The following DYNC1H1 variants were observed in gnomAD, a reference collection of about 807,000 sequenced individuals.
DYNC1H1 encodes dynein cytoplasmic 1 heavy chain 1, also known as cytoplasmic dynein 1 heavy chain 1.
A neutral mutation model predicts 527.1 loss-of-function variants in DYNC1H1; 51 were observed. The ratio of observed to expected loss-of-function variants is 0.10; its 90% CI spans 0.08 to 0.12. The LOEUF is 0.12. Among genes scored for constraint, DYNC1H1 ranks in the 10% least tolerant of loss-of-function variants. DYNC1H1 has a pLI of 1.00. For missense variants in DYNC1H1, 2,771 were observed against 5,971.8 expected, an observed-to-expected ratio of 0.46 and a Z score of 17.66; for synonymous variants, 2,189 against 2,278.8, an observed-to-expected ratio of 0.96 and a Z score of 1.12.
Position 101,989,414 on chromosome 14 carries a change from C to T in DYNC1H1, c.2868+562C>T, listed in dbSNP as rs1001792198. Among the ~76,000 whole-genome samples the T allele has an allele frequency of 5.3e-5, 8 of 152,206 alleles. No homozygotes were observed. The East Asian group carries it at 5.8e-4, about 11-fold the overall frequency. On this transcript the variant is annotated intron_variant, in intron 10 of 77. Coordinates refer to ENST00000360184, the MANE Select transcript of DYNC1H1 (RefSeq NM_001376.5). ...ACACGGAGTAGTAGTCTGTGCCTCC[C>T]GAGCCATCTCTTTCGCATTTGTGTG...
At chr14:101,994,436 C>CA (rs2048034477) in intron 12 of DYNC1H1, 112 bp downstream of exon 12, 11 of 1,495,474 alleles carry the variant, frequency 7.4e-6, no homozygotes, top group Non-Finnish European at 1.0e-5. Context: ...GTATGGTTCA[C>CA]TAGATACTAT....
chr14:102,019,242 G>A (rs146929099), intron 41 of DYNC1H1, among the ~76,000 whole-genome samples: 23 of 152,330 alleles, frequency 1.5e-4, no homozygotes, highest in Admixed American at 1.4e-3. Context: ...CCTGTATTCT[G>A]CAACATTTAA....
Position 102,000,938 on chromosome 14 carries a change from AT to A in DYNC1H1, c.4075-15del. Reference sequence around the variant, plus strand: ...ATGTTGGCAAGCTAAATAGCATCTTATGTTTCTCTCGACAGCTTCGACAAAA... The same window carrying A: ...ATGTTGGCAAGCTAAATAGCATCTTAGTTTCTCTCGACAGCTTCGACAAAA... On this transcript the variant is annotated splice_polypyrimidine_tract_variant and intron_variant, in intron 18 of 77. Coordinates refer to ENST00000360184, the MANE Select transcript of DYNC1H1 (RefSeq NM_001376.5). 1.2e-6 allele frequency: 2 copies of A among 1,604,522 alleles called. No individual in the cohort carries two copies. The highest frequency in any genetic ancestry group is 1.7e-6 in the Non-Finnish European group (2 of 1,171,208).
rs1555412552 is a variant in DYNC1H1, at chr14:102,047,990, A to G, written c.13180A>G (p.Thr4394Ala). ...CAACTGGCTGCACCTCATCCCCCAG[A>G]CGCTGAGCCACCTCAAGCGCACCGT... Reference protein sequence around the residue: ...ASNWLHLIPQTLSHLKRTVEN... With the variant: ...ASNWLHLIPQALSHLKRTVEN... The change falls in exon 73 of 78, where the codon ACG becomes GCG. Residue 4394 changes from threonine (T) to alanine (A), a missense_variant. Thr to Ala is a moderately conservative substitution (Grantham distance 58). Around this residue, in one of 32 missense-constraint regions of DYNC1H1, gnomAD observed 170 missense variants for 249.8 expected, o/e 0.68. Coordinates refer to ENST00000360184, the MANE Select transcript of DYNC1H1 (RefSeq NM_001376.5). 6.2e-7 allele frequency: 1 copy of G among 1,612,234 alleles called. No homozygotes were observed. Among genetic ancestry groups the G allele is most frequent in the Non-Finnish European group, 8.5e-7 (1 of 1,179,952 alleles).
In DYNC1H1 at chr14:102,016,034, C is replaced by T. The variant is rs776990880; in HGVS notation, c.7421C>T (p.Ala2474Val). The stretch of plus-strand genomic sequence containing the variant: ...TGCCGCAACGTGGCGCAGTATAACG[C>T]CAACCATCCCGACTTCCCCATGCAG... ...QACRNVAQYN[A>V]NHPDFPMQIE... Residue 2474 changes from alanine (A) to valine (V), a missense_variant, in exon 36 of 78, where the codon GCC becomes GTC. Ala to Val is a moderately conservative substitution (Grantham distance 64). Transcript: ENST00000360184. This position sits in a 1 kb window ranked among gnomAD's most constrained non-coding sequence, Gnocchi z 7.3. The T allele has an allele frequency of 1.9e-6, 3 of 1,613,572 alleles. No homozygotes were observed. The highest frequency in any genetic ancestry group is 2.5e-6 in the Non-Finnish European group (3 of 1,179,944).
In DYNC1H1 at chr14:101,979,725, T is replaced by G; in HGVS notation, c.525T>G (p.Gly175=). 1 of 1,614,068 alleles carries G rather than the reference T, an allele frequency of 6.2e-7. No homozygotes were observed. Among genetic ancestry groups the G allele is most frequent in the Non-Finnish European group, 8.5e-7 (1 of 1,180,040 alleles). The change falls in exon 4 of 78, where the codon GGT becomes GGG. Residue 175 remains glycine (G), a synonymous_variant. Transcript: ENST00000360184. The surrounding 1 kb of genome is among the most constrained non-coding windows in gnomAD (Gnocchi z 4.6). ...IRESGKADRD[G]DKMAPSVEKK... ...GTATGAAATCTGTTTTTAGGGATGGTGATAAAATGGCTCCTTCAGTTGAAA... is the reference window on the plus strand; with the variant it reads ...GTATGAAATCTGTTTTTAGGGATGGGGATAAAATGGCTCCTTCAGTTGAAA...
chr14:102,030,136 A>T, intron 50 of DYNC1H1, 26 bp from the exon 51 acceptor site: 1 of 1,614,128 alleles, frequency 6.2e-7, no homozygotes. Context: ...TGCTTAACCC[A>T]TACCTAAGCC....
At chr14:101,971,732 A>C (rs930641123) in intron 1 of DYNC1H1, among the ~76,000 whole-genome samples, 1 of 152,222 alleles carries the variant, frequency 6.6e-6, no homozygotes, top group Admixed American at 6.5e-5. Context: ...TCTCAAAAAA[A>C]ATAAAACAGA....
At chr14:102,043,119 T>TA in intron 69 of DYNC1H1, 1 of 340,060 alleles carries the variant, frequency 2.9e-6, no homozygotes, top group Non-Finnish European at 5.8e-6. Flanking sequence ...CCGTCTCTAC[T>TA]AAAAATATAA....
At position 102,054,702 on chromosome 14, in the gene DYNC1H1, G is replaced by A. The variant is rs2048858134; in HGVS notation, c.*4139G>A. ...TCCTACCTCAGCCTCCCAAGCAGCT[G>A]GGACTACAGGCACCCACCACCATGC... On this transcript the variant is annotated 3_prime_UTR_variant, in exon 78 of 78. Coordinates refer to ENST00000360184, the MANE Select transcript of DYNC1H1 (RefSeq NM_001376.5). The A allele has an allele frequency of 6.6e-6, 1 of 151,802 alleles. No homozygotes were observed. Among genetic ancestry groups the A allele is most frequent in the African/African-American group, 2.4e-5 (1 of 41,228 alleles). The allele number at this position is 151,802 out of a possible 1,614,324, so 9.4% of individuals were successfully genotyped here.
At chr14:102,030,397 C>T in intron 51 of DYNC1H1, 115 bp downstream of exon 51, 1 of 1,508,166 alleles carries the variant, frequency 6.6e-7, no homozygotes, top group African/African-American at 1.4e-5. Flanking sequence ...GTTCTGGTTT[C>T]CAAAAATATC....
At chr14:101,988,578 A>G (rs112598484) in intron 9 of DYNC1H1, 125 bp from the exon 10 acceptor site, 5 of 1,216,810 alleles carry the variant, frequency 4.1e-6, no homozygotes, top group Non-Finnish European at 5.9e-6. Context: ...GAGAAGAGAG[A>G]TATGAAGGCT....
At position 102,010,233 on chromosome 14, in the gene DYNC1H1, AGT is replaced by A; in HGVS notation, c.6222-42_6222-41del. 1 of 1,613,510 alleles carries A rather than the reference AGT, an allele frequency of 6.2e-7. No individual in the cohort carries two copies. The highest frequency in any genetic ancestry group is 1.1e-5 in the South Asian group (1 of 90,974). Reference sequence around the variant, plus strand: ...GACACTTGACCCTATTATTGCTTAAAGTATACTGTTATTAAAGATAGCCTTTT... The same window carrying A: ...GACACTTGACCCTATTATTGCTTAAAATACTGTTATTAAAGATAGCCTTTT... On this transcript the variant is annotated intron_variant, in intron 30 of 77. Transcript: ENST00000360184. This position sits in a 1 kb window ranked among gnomAD's most constrained non-coding sequence, Gnocchi z 6.0.
intron 1 of DYNC1H1, among the ~76,000 whole-genome samples, chr14:101,974,203 G>A (rs1427700925): frequency 1.3e-5 from 2 of 152,154 alleles, no homozygotes; most frequent in African/African-American, 4.8e-5. Flanking sequence ...GGGTTCAAGC[G>A]ATTCGCCTGC....
Position 102,010,675 on chromosome 14 carries a change from T to A in DYNC1H1, c.6406-65T>A. 1 of 1,600,670 alleles carries A rather than the reference T, an allele frequency of 6.2e-7. No individual in the cohort carries two copies. Among genetic ancestry groups the A allele is most frequent in the South Asian group, 1.1e-5 (1 of 90,630 alleles). ...CAACAGTTACTGATCACGCACCTCC[T>A]GGGGATGCAGCGGGCAGTACTTGAG... is the stretch of plus-strand genomic sequence containing the variant. On this transcript the variant is annotated intron_variant, in intron 31 of 77. Transcript: ENST00000360184. This position sits in a 1 kb window ranked among gnomAD's most constrained non-coding sequence, Gnocchi z 6.0.
At chr14:101,968,871 A>C (rs1306282438) in intron 1 of DYNC1H1, among the ~76,000 whole-genome samples, 1 of 151,980 alleles carries the variant, frequency 6.6e-6, no homozygotes, top group East Asian at 1.9e-4. Flanking sequence ...CTGAGGATTT[A>C]ATTCTAAAGG....
In DYNC1H1 at chr14:101,990,737, G is replaced by A. The variant is rs187938190; in HGVS notation, c.2869-790G>A. Among the ~76,000 whole-genome samples the A allele has an allele frequency of 2.8e-3, 429 of 152,060 alleles. 1 individual carries two copies. Among genetic ancestry groups the A allele is most frequent in the African/African-American group, 0.01 (422 of 41,486 alleles). ...AAAAAGTACAAAAATTAGGCCGGGC[G>A]CGGTGGCTCATGCCTGTAATCCCAG... On this transcript the variant is annotated intron_variant, in intron 10 of 77. Transcript: ENST00000360184.
rs1245245623 is a variant in DYNC1H1, at chr14:102,041,908, C to T, written c.12103-105C>T. 2 of 1,501,672 alleles carry T rather than the reference C, an allele frequency of 1.3e-6. No individual in the cohort carries two copies. Among genetic ancestry groups the T allele is most frequent in the Non-Finnish European group, 1.8e-6 (2 of 1,091,944 alleles). 93.0% of individuals were successfully genotyped at this position (1,501,672 alleles called of 1,614,324 possible). A position where few individuals can be genotyped will look rare whatever the true frequency, so the allele number is the denominator to read the frequency against. On this transcript the variant is annotated intron_variant, in intron 65 of 77. Transcript: ENST00000360184. This position sits in a 1 kb window ranked among gnomAD's most constrained non-coding sequence, Gnocchi z 4.5. ...TGCATGGTGCCCACACCTCTGGGCC[C>T]AGAAAGAACATCTTCTCAGGCCCCT...
rs957105344 is a variant in DYNC1H1, at chr14:101,986,559, C to A, written c.2334C>A (p.Ala778=). Residue 778 remains alanine (A), a synonymous_variant, in exon 8 of 78, where the codon GCC becomes GCA. Transcript: ENST00000360184. This position sits in a 1 kb window ranked among gnomAD's most constrained non-coding sequence, Gnocchi z 8.7. Reference sequence around the variant, plus strand: ...AAGCAAACCAGCTTTACCCGTTTGCCATCTCACTGATCGAGAGCGTTCGTA... The same window carrying A: ...AAGCAAACCAGCTTTACCCGTTTGCAATCTCACTGATCGAGAGCGTTCGTA... ...AHQANQLYPF[A]ISLIESVRTY... is the part of the protein sequence containing the mutation. The A allele has an allele frequency of 1.9e-6, 3 of 1,614,002 alleles. No individual in the cohort carries two copies. In the African/African-American group the frequency reaches 4.0e-5, roughly 22 times the overall value.
Sources: allele counts gnomAD v4.1 joint callset (sites outside exome capture counted in the v4.1 genomes callset), GRCh38; gene constraint gnomAD v4.1.1; regional missense constraint gnomAD v4.1.1; non-coding constraint Gnocchi (gnomAD v3.1); transcripts MANE v1.5; gene names NCBI Gene and HGNC (gene_info 2026-07-23, HGNC 2026-07-21).